The following GALNT18 variants were observed in gnomAD, a reference collection of about 807,000 sequenced individuals.
GALNT18 encodes the protein polypeptide N-acetylgalactosaminyltransferase 18.
Under a neutral mutation model 69.5 loss-of-function variants are expected in GALNT18, and 44 were observed. That is an observed-to-expected ratio of 0.63 (90% CI 0.50 to 0.81). The LOEUF (loss-of-function observed/expected upper bound fraction) is 0.81, where lower values mean the gene tolerates loss of function less well. GALNT18 is among the 40% of genes least tolerant of loss of function. The pLI, the probability that GALNT18 is intolerant of heterozygous loss-of-function variation, is 0.00. For missense variants in GALNT18, 715 were observed against 810.0 expected (o/e 0.88, Z 1.42); for synonymous variants, 364 against 318.2 (o/e 1.14, Z -1.53).
intron 9 of GALNT18, among the ~76,000 whole-genome samples, chr11:11,324,503 C>A (rs980231669): frequency 6.6e-6 from 1 of 152,144 alleles, no homozygotes; most frequent in South Asian, 2.1e-4. Context: ...CAGGTAATAG[C>A]AGGGATGTAT....
chr11:11,400,689 G>A (rs1051280344), intron 3 of GALNT18, among the ~76,000 whole-genome samples: 1 of 151,950 alleles, frequency 6.6e-6, no homozygotes, highest in Admixed American at 6.5e-5. Context: ...GGGCAAAGGA[G>A]TTCTCTAGGA....
chr11:11,325,589 T>A (rs1159389454), intron 9 of GALNT18, among the ~76,000 whole-genome samples: 1 of 152,216 alleles, frequency 6.6e-6, no homozygotes, highest in Non-Finnish European at 1.5e-5. Flanking sequence ...TATATAGTCC[T>A]ATTTATGTAG....
chr11:11,326,838 CTCA>C (rs1295540738), intron 9 of GALNT18, among the ~76,000 whole-genome samples: 1 of 152,182 alleles, frequency 6.6e-6, no homozygotes, highest in Non-Finnish European at 1.5e-5. Context: ...CCCTTTCCTC[CTCA>C]TCATCCTGGA....
intron 6 of GALNT18, chr11:11,353,012 T>C (rs1850450170): frequency 5.0e-6 from 8 of 1,614,256 alleles, no homozygotes; most frequent in East Asian, 2.2e-5. Flanking sequence ...GGTAGTCATC[T>C]TGATTTCCCC....
intron 3 of GALNT18, among the ~76,000 whole-genome samples, chr11:11,420,100 C>T (rs528743835): frequency 6.6e-5 from 10 of 151,404 alleles, no homozygotes; most frequent in East Asian, 1.9e-4. Flanking sequence ...TCCTGAGAGT[C>T]GATTAGGACT....
intron 3 of GALNT18, among the ~76,000 whole-genome samples, chr11:11,408,542 G>A (rs140229452): frequency 2.2e-4 from 34 of 152,108 alleles, no homozygotes; most frequent in Non-Finnish European, 3.8e-4. Context: ...TCCAAGAGTC[G>A]CCGTCTCTTT....
chr11:11,399,714 G>A (rs1854417426), intron 3 of GALNT18, among the ~76,000 whole-genome samples: 1 of 152,180 alleles, frequency 6.6e-6, no homozygotes, highest in Admixed American at 6.5e-5. Flanking sequence ...CTCACTGGGT[G>A]TATGATTTAT....
chr11:11,296,732 G>A (rs910199099), intron 9 of GALNT18, among the ~76,000 whole-genome samples: 1 of 152,152 alleles, frequency 6.6e-6, no homozygotes, highest in African/African-American at 2.4e-5. Flanking sequence ...TTGCTCCAGA[G>A]TCTGGGAAAA....
chr11:11,618,047 AAT>A lies in GALNT18; in HGVS notation c.235+3310_235+3311del, dbSNP rs1321878436. On this transcript the variant is annotated intron_variant, in intron 1 of 10. Transcript: ENST00000227756. This position sits in a 1 kb window ranked among gnomAD's most constrained non-coding sequence, Gnocchi z 6.1. ...CAAACACCATCTAATTAAATCATTC[AAT>A]CAGAAAACAAATTAAAATGAAATAT... Among the ~76,000 whole-genome samples the A allele has an allele frequency of 6.6e-6, 1 of 152,248 alleles. No homozygotes were observed. The highest frequency in any genetic ancestry group is 1.5e-5 in the Non-Finnish European group (1 of 68,040).
chr11:11,480,549 G>A lies in GALNT18; in HGVS notation c.236-31613C>T, dbSNP rs1590040371. 9.4e-5 allele frequency among the ~76,000 whole-genome samples: 1 copy of A among 10,604 alleles called. No individual in the cohort carries two copies. Among genetic ancestry groups the A allele is most frequent in the Admixed American group, 2.0e-3 (1 of 496 alleles). 7.0% of individuals were successfully genotyped at this position (10,604 alleles called of 152,430 possible). A position where few individuals can be genotyped will look rare whatever the true frequency, so the allele number is the denominator to read the frequency against. On this transcript the variant is annotated intron_variant, in intron 1 of 10. Coordinates refer to ENST00000227756, the MANE Select transcript of GALNT18 (RefSeq NM_198516.3). This position sits in a 1 kb window ranked among gnomAD's most constrained non-coding sequence, Gnocchi z 4.6. ...ATCAGACACTCTGCTTCTAGTGTCT[G>A]GTTAGAAAGAGGCTCTGAGCAGTCT... is the stretch of plus-strand genomic sequence containing the variant.
intron 1 of GALNT18, among the ~76,000 whole-genome samples, chr11:11,449,465 G>A (rs537475067): frequency 1.3e-5 from 2 of 152,216 alleles, no homozygotes; most frequent in African/African-American, 4.8e-5. Context: ...TCACCTGGCT[G>A]TCAGCACCCC....
In GALNT18 at chr11:11,463,692, C is replaced by T. The variant is rs544853982; in HGVS notation, c.236-14756G>A. On this transcript the variant is annotated intron_variant, in intron 1 of 10. Transcript: ENST00000227756. This position sits in a 1 kb window ranked among gnomAD's most constrained non-coding sequence, Gnocchi z 4.2. Reference sequence around the variant, plus strand: ...AAAAAACTGAACAAACAGGCCCTCCCAACCCCAGGCCCTGGCAGGATAGGG... The same window carrying T: ...AAAAAACTGAACAAACAGGCCCTCCTAACCCCAGGCCCTGGCAGGATAGGG... Among the ~76,000 whole-genome samples the T allele has an allele frequency of 6.6e-6, 1 of 152,194 alleles. No individual in the cohort carries two copies. Among genetic ancestry groups the T allele is most frequent in the East Asian group, 1.9e-4 (1 of 5,200 alleles).
chr11:11,272,325 G>A (rs961710450), intron 10 of GALNT18, among the ~76,000 whole-genome samples: 1 of 152,076 alleles, frequency 6.6e-6, no homozygotes, highest in Admixed American at 6.5e-5. Flanking sequence ...CATCACACTT[G>A]CCCTGGTTCA....
intron 1 of GALNT18, among the ~76,000 whole-genome samples, chr11:11,577,836 G>A (rs998630314): frequency 1.3e-5 from 2 of 152,154 alleles, no homozygotes; most frequent in Non-Finnish European, 2.9e-5. Context: ...GGGCGTGGGT[G>A]GTTATTGGTG....
chr11:11,560,111 A>G (rs1858447341), intron 1 of GALNT18, among the ~76,000 whole-genome samples: 1 of 1,138 alleles, frequency 8.8e-4, no homozygotes, highest in Non-Finnish European at 2.1e-3. Context: ...GAATAGAATA[A>G]GATACAATGG....
chr11:11,481,371 A>C (rs1213479984), intron 1 of GALNT18, among the ~76,000 whole-genome samples: 1 of 152,136 alleles, frequency 6.6e-6, no homozygotes, highest in African/African-American at 2.4e-5. Context: ...ATTTGAGCTC[A>C]AGAAGGAGAT....
chr11:11,310,204 T>TC (rs948888144), intron 9 of GALNT18, among the ~76,000 whole-genome samples: 2 of 152,184 alleles, frequency 1.3e-5, no homozygotes, highest in African/African-American at 2.4e-5. Context: ...GATGAAATGC[T>TC]CCCTTGGATT....
At chr11:11,594,822 T>C (rs1859447325) in intron 1 of GALNT18, among the ~76,000 whole-genome samples, 4 of 25,154 alleles carry the variant, frequency 1.6e-4, no homozygotes, top group Admixed American at 6.7e-4. Context: ...TGGGCATATA[T>C]ATATATATAT....
At chr11:11,352,824 T>G (rs753069354) in intron 6 of GALNT18, 2 of 1,614,114 alleles carry the variant, frequency 1.2e-6, no homozygotes, top group Admixed American at 1.7e-5. Flanking sequence ...TTTTACAATG[T>G]CTGCCAGTGT....
Sources: gnomAD v4.1 joint callset for allele counts (sites outside exome capture counted in the v4.1 genomes callset) on GRCh38, gnomAD v4.1.1 for gene constraint, Gnocchi (gnomAD v3.1) non-coding constraint, MANE v1.5 for transcripts, NCBI Gene and HGNC (gene_info 2026-07-23, HGNC 2026-07-21) for gene names.